The following NSD1 variants were observed in gnomAD, a reference collection of about 807,000 sequenced individuals.
NSD1 encodes the protein nuclear receptor binding SET domain protein 1.
Under a neutral mutation model 242.7 loss-of-function variants are expected in NSD1, and 26 were observed. The ratio of observed to expected loss-of-function variants is 0.11; its 90% CI spans 0.08 to 0.15. The LOEUF is 0.15. Ranked by LOEUF, NSD1 falls within the 10% of genes least tolerant of loss-of-function variation. The probability of loss-of-function intolerance (pLI) is 1.00; values close to 1 mark genes in which losing one functional copy is unlikely to be tolerated. For synonymous variants in NSD1, 1,106 were observed against 1,178.1 expected (o/e 0.94, Z 1.25); for missense variants, 2,495 against 3,272.8 (o/e 0.76, Z 5.80).
chr5:177,244,331 T>A (rs1766112220), intron 9 of NSD1, 61 bp downstream of exon 9: 1 of 1,230,216 alleles, frequency 8.1e-7, no homozygotes, highest in Admixed American at 1.8e-5. Context: ...GCTTTGTCTG[T>A]TAACCACAAA....
At chr5:177,159,717 C>A in intron 2 of NSD1, among the ~76,000 whole-genome samples, 1 of 151,538 alleles carries the variant, frequency 6.6e-6, no homozygotes, top group Non-Finnish European at 1.5e-5. Flanking sequence ...CTCAGCCTCC[C>A]GAGTAGCTGG....
chr5:177,297,656 A>C lies in NSD1; in HGVS notation c.*2197A>C. ...CTTTGTTTCATGAAATAAACTGTGA[A>C]TTTGGGGGGGGCGGGGGGAGGGCGT... On this transcript the variant is annotated 3_prime_UTR_variant, in exon 23 of 23. Coordinates refer to ENST00000439151, the MANE Select transcript of NSD1 (RefSeq NM_022455.5). 1 of 67,872 alleles carries C rather than the reference A, an allele frequency of 1.5e-5. No individual in the cohort carries two copies. Among genetic ancestry groups the C allele is most frequent in the Non-Finnish European group, 2.7e-5 (1 of 36,576 alleles). The allele number at this position is 67,872 out of a possible 1,614,324, so 4.2% of individuals were successfully genotyped here. A position where few individuals can be genotyped will look rare whatever the true frequency, so the allele number is the denominator to read the frequency against.
intron 3 of NSD1, among the ~76,000 whole-genome samples, chr5:177,202,168 C>G (rs1373230195): frequency 8.6e-6 from 1 of 116,660 alleles, no homozygotes; most frequent in Non-Finnish European, 1.6e-5. Flanking sequence ...AACTCCGTCT[C>G]AGAAAAAAAA....
chr5:177,166,167 C>A (rs575225203), intron 2 of NSD1, among the ~76,000 whole-genome samples: 1 of 151,490 alleles, frequency 6.6e-6, no homozygotes, highest in African/African-American at 2.4e-5. Context: ...CCCACCTTGG[C>A]CTCCCAAAGT....
intron 5 of NSD1, among the ~76,000 whole-genome samples, chr5:177,227,240 A>G (rs908188960): frequency 1.3e-5 from 2 of 152,178 alleles, no homozygotes; most frequent in African/African-American, 4.8e-5. Flanking sequence ...ATCCTTTTTC[A>G]GTAGGAATTC....
At chr5:177,196,959 A>G (rs1762144792) in intron 3 of NSD1, among the ~76,000 whole-genome samples, 1 of 152,186 alleles carries the variant, frequency 6.6e-6, no homozygotes, top group Non-Finnish European at 1.5e-5. Flanking sequence ...ACCTATTATA[A>G]AGTATCATTT....
intron 4 of NSD1, among the ~76,000 whole-genome samples, chr5:177,209,115 T>C (rs967516123): frequency 6.6e-6 from 1 of 152,176 alleles, no homozygotes; most frequent in African/African-American, 2.4e-5. Flanking sequence ...TGACATAATC[T>C]TATTAGCAGA....
At chr5:177,212,839 A>T (rs914496412) in intron 5 of NSD1, among the ~76,000 whole-genome samples, 1 of 152,008 alleles carries the variant, frequency 6.6e-6, no homozygotes, top group African/African-American at 2.4e-5. Context: ...ATGAGGGTTC[A>T]CCACGTTGGC....
chr5:177,199,051 G>A (rs10066828), intron 3 of NSD1, among the ~76,000 whole-genome samples: 7,335 of 152,242 alleles, frequency 0.048, 565 homozygotes, highest in African/African-American at 0.17. Flanking sequence ...GTGCGAAAGC[G>A]ATACACATTA....
At chr5:177,245,371 A>G (rs778723694) in intron 9 of NSD1, among the ~76,000 whole-genome samples, 9 of 152,148 alleles carry the variant, frequency 5.9e-5, no homozygotes, top group Non-Finnish European at 8.8e-5. Flanking sequence ...GAGAATTTCA[A>G]ATCTTTCTAT....
chr5:177,147,523 T>C (rs1339212212), intron 2 of NSD1, among the ~76,000 whole-genome samples: 1 of 152,168 alleles, frequency 6.6e-6, no homozygotes, highest in Non-Finnish European at 1.5e-5. Flanking sequence ...GGGATTGTCT[T>C]TTTTTCCCTT....
intron 4 of NSD1, among the ~76,000 whole-genome samples, chr5:177,209,000 T>C (rs1015740991): frequency 6.6e-6 from 1 of 152,016 alleles, no homozygotes; most frequent in Admixed American, 6.6e-5. Context: ...CGGCCAAGTA[T>C]TCTTTAATTT....
chr5:177,186,570 G>A (rs1354463922), intron 2 of NSD1, among the ~76,000 whole-genome samples: 1 of 152,030 alleles, frequency 6.6e-6, no homozygotes, highest in East Asian at 1.9e-4. Flanking sequence ...CAGAACTTTT[G>A]GCTCAAGAGC....
chr5:177,206,596 A>G (rs963698543), intron 4 of NSD1, among the ~76,000 whole-genome samples: 3 of 152,230 alleles, frequency 2.0e-5, no homozygotes, highest in Non-Finnish European at 2.9e-5. Flanking sequence ...AACATTAGAA[A>G]TAAGTATAAA....
At chr5:177,263,803 C>T (rs777381829) in intron 14 of NSD1, among the ~76,000 whole-genome samples, 3 of 151,978 alleles carry the variant, frequency 2.0e-5, no homozygotes, top group Non-Finnish European at 4.4e-5. Flanking sequence ...TGAAAATGAA[C>T]AACTGTGAGC....
rs141260503 is a variant in NSD1 at position 177,209,390 on chromosome 5, G to A, written c.1237-246G>A. ...TGAAAATACAAAAAATTAGCTGGGT[G>A]TGGTGGCGGGTGCCTGTAATCCCAG... On this transcript the variant is annotated intron_variant, in intron 4 of 22. Coordinates refer to ENST00000439151, the MANE Select transcript of NSD1 (RefSeq NM_022455.5). Among the ~76,000 whole-genome samples the A allele has an allele frequency of 0.1, 15,393 of 151,786 alleles. 1,313 individuals are homozygous for A. Among genetic ancestry groups the A allele is most frequent in the African/African-American group, 0.24 (9,771 of 41,320 alleles).
Position 177,292,050 on chromosome 5 carries a change from G to A in NSD1, c.6355G>A (p.Asp2119Asn), listed in dbSNP as rs1341121356. ...GGGTGAAATCACAAAGGAGCGAGAA[G>A]ATGAGTGTTTTAGTTGTGGGGATGC... ...TQGEITKERE[D>N]ECFSCGDAGQ... Residue 2119 changes from aspartate (D) to asparagine (N), a missense_variant, in exon 22 of 23, where the codon GAT becomes AAT. By Grantham distance (23) the Asp-to-Asn change is conservative. Transcript: ENST00000439151. 5.6e-6 allele frequency: 9 copies of A among 1,614,196 alleles called. No homozygotes were observed. Among genetic ancestry groups the A allele is most frequent in the Non-Finnish European group, 7.6e-6 (9 of 1,180,034 alleles).
Position 177,295,561 on chromosome 5 carries a change from C to T in NSD1, c.*102C>T. ...CCCCTTAAAAAAAAACACATCTGCC[C>T]CGAACACTTTCCCACTGTTATTCTT... On this transcript the variant is annotated 3_prime_UTR_variant, in exon 23 of 23. Coordinates refer to ENST00000439151, the MANE Select transcript of NSD1 (RefSeq NM_022455.5). This position sits in a 1 kb window ranked among gnomAD's most constrained non-coding sequence, Gnocchi z 4.3. The T allele has an allele frequency of 8.4e-7, 1 of 1,192,012 alleles. No individual in the cohort carries two copies. Among genetic ancestry groups the T allele is most frequent in the Non-Finnish European group, 1.2e-6 (1 of 821,492 alleles). The allele number at this position is 1,192,012 out of a possible 1,614,324, so 73.8% of individuals were successfully genotyped here.
intron 3 of NSD1, among the ~76,000 whole-genome samples, chr5:177,194,187 A>G (rs1761918250): frequency 6.6e-6 from 1 of 152,120 alleles, no homozygotes; most frequent in African/African-American, 2.4e-5. Flanking sequence ...CTTTATCACA[A>G]ACAGAACATT....
Sources: allele counts gnomAD v4.1 joint callset (sites outside exome capture counted in the v4.1 genomes callset), GRCh38; gene constraint gnomAD v4.1.1; non-coding constraint Gnocchi (gnomAD v3.1); transcripts MANE v1.5; gene names NCBI Gene and HGNC (gene_info 2026-07-23, HGNC 2026-07-21).